COQ3: variants seen among roughly 807,000 people sequenced by gnomAD.
COQ3 encodes the protein ubiquinone biosynthesis O-methyltransferase, mitochondrial.
In COQ3, 29 loss-of-function variants were observed where a neutral mutation model predicts 33.1. The ratio of observed to expected loss-of-function variants is 0.88; its 90% CI spans 0.65 to 1.19. The LOEUF is 1.19. Ranked by LOEUF, COQ3 falls within the 50% of genes most tolerant of loss-of-function variation. The probability of loss-of-function intolerance (pLI) is 0.00; values close to 1 mark genes in which losing one functional copy is unlikely to be tolerated. For synonymous variants in COQ3, 173 were observed against 157.8 expected (o/e 1.10, Z -0.72); for missense variants, 437 against 430.7 (o/e 1.01, Z -0.13).
chr6:99,379,068 G>T (rs1004531407), intron 3 of COQ3, among the ~76,000 whole-genome samples: 1 of 151,232 alleles, frequency 6.6e-6, no homozygotes, highest in South Asian at 2.1e-4. Flanking sequence ...ACACCGTGCA[G>T]GTTTGTTACA....
chr6:99,375,618 C>T (rs1774260599), intron 5 of COQ3, among the ~76,000 whole-genome samples: 1 of 152,210 alleles, frequency 6.6e-6, no homozygotes, highest in East Asian at 1.9e-4. Flanking sequence ...CTCCTAGCCT[C>T]AAGTGATCTG....
intron 3 of COQ3, 31 bp downstream of exon 3, chr6:99,380,158 T>A: frequency 6.3e-7 from 1 of 1,580,146 alleles, no homozygotes; most frequent in Non-Finnish European, 8.6e-7. Context: ...AAAGTTCCAT[T>A]TAAAAAGACT....
At chr6:99,373,212 A>G (rs1774189985) in intron 5 of COQ3, among the ~76,000 whole-genome samples, 1 of 152,078 alleles carries the variant, frequency 6.6e-6, no homozygotes, top group African/African-American at 2.4e-5. Context: ...ATTGCTCGAG[A>G]CCAGGAGTTC....
At chr6:99,378,120 A>G (rs12173777) in intron 3 of COQ3, among the ~76,000 whole-genome samples, 4 of 22,610 alleles carry the variant, frequency 1.8e-4, no homozygotes, top group Non-Finnish European at 2.7e-4. Flanking sequence ...ATATATATAT[A>G]TATATATATA....
chr6:99,379,823 C>T (rs932244896), intron 3 of COQ3, among the ~76,000 whole-genome samples: 1 of 151,658 alleles, frequency 6.6e-6, no homozygotes, highest in Admixed American at 6.6e-5. Context: ...ACATTGCACT[C>T]CCCTCTGGGT....
At chr6:99,393,984 G>T in intron 1 of COQ3, 90 bp downstream of exon 1, 1 of 1,109,262 alleles carries the variant, frequency 9.0e-7, no homozygotes. Context: ...GAGGTCCAGA[G>T]ACAACCCACC....
At position 99,378,105 on chromosome 6, in the gene COQ3, C is replaced by CATAT. The variant is rs57039767; in HGVS notation, c.387-624_387-621dup. On this transcript the variant is annotated intron_variant, in intron 3 of 6. Coordinates refer to ENST00000254759, the MANE Select transcript of COQ3 (RefSeq NM_017421.4). ...ACACCTAACAGTATTGTAAACTAAA[C>CATAT]ATATATATATATATATATATATATA... Among the ~76,000 whole-genome samples the CATAT allele has an allele frequency of 2.3e-3, 180 of 77,392 alleles. 1 individual carries two copies. Among genetic ancestry groups the CATAT allele is most frequent in the South Asian group, 3.8e-3 (6 of 1,578 alleles). The allele number at this position is 77,392 out of a possible 152,430, so 50.8% of individuals were successfully genotyped here. A position where few individuals can be genotyped will look rare whatever the true frequency, so the allele number is the denominator to read the frequency against.
At chr6:99,376,996 G>GTA (rs752478394) in intron 4 of COQ3, among the ~76,000 whole-genome samples, 2 of 76,148 alleles carry the variant, frequency 2.6e-5, no homozygotes, top group East Asian at 5.4e-4. Context: ...TATTATGGAT[G>GTA]TGTGTGTGTG....
intron 5 of COQ3, among the ~76,000 whole-genome samples, chr6:99,371,807 C>T (rs1010594556): frequency 1.3e-5 from 2 of 152,120 alleles, no homozygotes; most frequent in Admixed American, 6.5e-5. Context: ...GTATATACAA[C>T]AGTGCTTACA....
intron 4 of COQ3, among the ~76,000 whole-genome samples, chr6:99,376,469 A>G (rs1304397954): frequency 2.0e-5 from 3 of 152,266 alleles, no homozygotes; most frequent in Non-Finnish European, 4.4e-5. Context: ...AGATACACTT[A>G]CTTGCACATA....
chr6:99,378,767 A>G (rs957749121), intron 3 of COQ3, among the ~76,000 whole-genome samples: 4 of 152,170 alleles, frequency 2.6e-5, no homozygotes, highest in African/African-American at 4.8e-5. Flanking sequence ...TGTCAGTGGT[A>G]TTAAAGGATG....
chr6:99,372,569 C>A (rs989861110), intron 5 of COQ3, among the ~76,000 whole-genome samples: 5 of 152,066 alleles, frequency 3.3e-5, no homozygotes, highest in African/African-American at 9.6e-5. Context: ...AGGTGCCTGC[C>A]ACCACGCCCG....
chr6:99,377,817 T>A (rs1250885179), intron 3 of COQ3, among the ~76,000 whole-genome samples: 2 of 152,008 alleles, frequency 1.3e-5, no homozygotes, highest in Non-Finnish European at 2.9e-5. Context: ...TTGCTGTCAA[T>A]ACTTGCTAGA....
At chr6:99,386,514 C>T (rs930886169) in intron 1 of COQ3, among the ~76,000 whole-genome samples, 14 of 152,180 alleles carry the variant, frequency 9.2e-5, no homozygotes, top group African/African-American at 2.9e-4. Context: ...TACATCAAAC[C>T]TGAAGTTAAT....
chr6:99,393,447 T>C (rs961728121), intron 1 of COQ3, among the ~76,000 whole-genome samples: 5 of 152,196 alleles, frequency 3.3e-5, no homozygotes, highest in Admixed American at 3.3e-4. Flanking sequence ...CATTCATTTT[T>C]AAATTCCCAG....
chr6:99,375,319 C>A (rs114456246), intron 5 of COQ3, among the ~76,000 whole-genome samples: 3,807 of 151,824 alleles, frequency 0.025, 183 homozygotes, highest in African/African-American at 0.088. Flanking sequence ...TATTTAATCC[C>A]GACTGCACCA....
chr6:99,371,480 A>T lies in COQ3; in HGVS notation c.837T>A (p.His279Gln). The T allele has an allele frequency of 6.2e-7, 1 of 1,606,776 alleles. No homozygotes were observed. The highest frequency in any genetic ancestry group is 1.1e-5 in the South Asian group (1 of 89,802). ...QIASIVPKGT[H>Q]TWEKFVSPET... ...CAGGTGAAACAAACTTCTCCCATGT[A>T]TGAGTACCTTTTGGTACAATACTTG... is the stretch of plus-strand genomic sequence containing the variant. The change falls in exon 6 of 7, where the codon CAT (histidine) becomes CAA (glutamine). Residue 279 changes from histidine to glutamine, a missense_variant. His to Gln is a conservative substitution (Grantham distance 24, BLOSUM62 0). Transcript: ENST00000254759.
Position 99,378,147 on chromosome 6 carries a change from TATATATATA to T in COQ3, c.387-671_387-663del, listed in dbSNP as rs1406727474. On this transcript the variant is annotated intron_variant, in intron 3 of 6. Coordinates refer to ENST00000254759, the MANE Select transcript of COQ3 (RefSeq NM_017421.4). ...ATATATATATATATATATATATATA[TATATATATA>T]TTTAGAGAGAGAGAGAGAGAGAGAG... 7.0e-3 allele frequency among the ~76,000 whole-genome samples: 248 copies of T among 35,242 alleles called. 1 individual carries two copies. Among genetic ancestry groups the T allele is most frequent in the South Asian group, 0.01 (8 of 780 alleles). 23.1% of individuals were successfully genotyped at this position (35,242 alleles called of 152,430 possible).
chr6:99,393,284 T>C (rs1774880414), intron 1 of COQ3, among the ~76,000 whole-genome samples: 1 of 152,168 alleles, frequency 6.6e-6, no homozygotes, highest in South Asian at 2.1e-4. Context: ...TACAAATAGA[T>C]TTAAATCATT....
Sources: gnomAD v4.1 joint callset for allele counts (sites outside exome capture counted in the v4.1 genomes callset) on GRCh38, gnomAD v4.1.1 for gene constraint, MANE v1.5 for transcripts, NCBI Gene and HGNC (gene_info 2026-07-23, HGNC 2026-07-21) for gene names.